NAV2: variants seen among roughly 807,000 people sequenced by gnomAD.
NAV2 encodes neuron navigator 2, also known as helicase, APC down-regulated 1.
Under a neutral mutation model 223.2 loss-of-function variants are expected in NAV2, and 54 were observed. The ratio of observed to expected loss-of-function variants is 0.24; its 90% CI spans 0.19 to 0.30. The LOEUF (loss-of-function observed/expected upper bound fraction) is 0.30, where lower values mean the gene tolerates loss of function less well. Among genes scored for constraint, NAV2 ranks in the 10% least tolerant of loss-of-function variants. The probability of loss-of-function intolerance (pLI) is 1.00; values close to 1 mark genes in which losing one functional copy is unlikely to be tolerated. For synonymous variants in NAV2, 1,279 were observed against 1,239.3 expected, an observed-to-expected ratio of 1.03 and a Z score of -0.67; for missense variants, 2,806 against 3,147.5, an observed-to-expected ratio of 0.89 and a Z score of 2.60.
chr11:19,428,851 T>G (rs941545932), intron 1 of NAV2, among the ~76,000 whole-genome samples: 1 of 152,238 alleles, frequency 6.6e-6, no homozygotes, highest in Non-Finnish European at 1.5e-5. Context: ...CCCATGTGAT[T>G]CTTTCTTCAT....
intron 1 of NAV2, among the ~76,000 whole-genome samples, chr11:19,585,331 C>T (rs1175518404): frequency 1.3e-5 from 2 of 152,138 alleles, no homozygotes; most frequent in African/African-American, 4.8e-5. Context: ...GACTCTTTAT[C>T]CAATTTGCCA....
intron 6 of NAV2, among the ~76,000 whole-genome samples, chr11:19,919,034 T>C (rs2153226581): frequency 6.6e-6 from 1 of 151,864 alleles, no homozygotes; most frequent in Admixed American, 6.6e-5. Context: ...AAAAGAAAAA[T>C]AAAAGTTGGA....
At chr11:19,679,013 A>G (rs1274042841) in intron 1 of NAV2, among the ~76,000 whole-genome samples, 3 of 152,220 alleles carry the variant, frequency 2.0e-5, no homozygotes, top group African/African-American at 7.2e-5. Flanking sequence ...ATGTTGTTAA[A>G]TGTGAAAAGC....
chr11:19,986,516 A>AG lies in NAV2; in HGVS notation c.2768+2270dup, dbSNP rs560474798. Among the ~76,000 whole-genome samples the AG allele has an allele frequency of 8.4e-4, 127 of 152,078 alleles. 1 individual carries two copies. In the Middle Eastern group the frequency reaches 0.01, roughly 12 times the overall value. On this transcript the variant is annotated intron_variant, in intron 11 of 37. Transcript: ENST00000349880. ...ACAACTGTAATCCCAGCTACTCGGG[A>AG]GAGGGAGGCATGAGAATTGCTTGAA...
At chr11:19,981,534 G>T (rs1383837118) in intron 10 of NAV2, among the ~76,000 whole-genome samples, 2 of 152,312 alleles carry the variant, frequency 1.3e-5, no homozygotes, top group Non-Finnish European at 2.9e-5. Flanking sequence ...TAGTTTGTTT[G>T]TCCTTTGACA....
In NAV2 at chr11:19,860,360, G is replaced by A. The variant is rs1298785141; in HGVS notation, c.439-8565G>A. Among the ~76,000 whole-genome samples, 10 of 145,868 alleles carry A rather than the reference G, an allele frequency of 6.9e-5. No homozygotes were observed. The South Asian group carries it at 1.6e-3, about 23-fold the overall frequency. On this transcript the variant is annotated intron_variant, in intron 3 of 37. Transcript: ENST00000349880. ...GGTCTCCTCACTTCTCAGACGGGGC[G>A]GCCGGGCAGAGACGCTCCTCACATC... is the stretch of plus-strand genomic sequence containing the variant.
At chr11:19,831,663 C>A (rs2059949561) in intron 1 of NAV2, among the ~76,000 whole-genome samples, 1 of 152,116 alleles carries the variant, frequency 6.6e-6, no homozygotes, top group African/African-American at 2.4e-5. Flanking sequence ...CAAGAGTTTT[C>A]TTGTGCTTGT....
chr11:19,695,060 T>A (rs570996062), intron 1 of NAV2, among the ~76,000 whole-genome samples: 7 of 152,304 alleles, frequency 4.6e-5, no homozygotes, highest in Admixed American at 4.6e-4. Flanking sequence ...GGGAATGTAC[T>A]CCCAGTATTC....
At chr11:20,106,575 T>TC (rs1482828410) in intron 35 of NAV2, among the ~76,000 whole-genome samples, 1 of 130,596 alleles carries the variant, frequency 7.7e-6, no homozygotes, top group African/African-American at 2.8e-5. Flanking sequence ...AAAAAAAAAA[T>TC]CCTTTTTCAT....
chr11:19,428,876 C>T (rs1850937352), intron 1 of NAV2, among the ~76,000 whole-genome samples: 1 of 152,220 alleles, frequency 6.6e-6, no homozygotes, highest in African/African-American at 2.4e-5. Context: ...ATCAGGAAAG[C>T]TGTTGCCTAA....
upstream of NAV2, chr11:19,710,798 G>A (rs2049840112): frequency 6.6e-6 from 1 of 152,202 alleles, no homozygotes; most frequent in Non-Finnish European, 1.5e-5. Flanking sequence ...ATGTCCTTAT[G>A]TTCCTAAATC....
chr11:19,740,642 G>A (rs190880223), intron 1 of NAV2, among the ~76,000 whole-genome samples: 1 of 152,302 alleles, frequency 6.6e-6, no homozygotes, highest in Admixed American at 6.5e-5. Flanking sequence ...TTTTGCAGAG[G>A]GGAAGAGTAC....
In NAV2 at chr11:20,087,642, G is replaced by T. The variant is rs183262421; in HGVS notation, c.5499-3223G>T. ...AGGCTTGAATCACAGTTAAGGGACT[G>T]AGTAGGGAAAAACACACATAAGGTG... On this transcript the variant is annotated intron_variant, in intron 26 of 37. Transcript: ENST00000349880. Among the ~76,000 whole-genome samples, 4 of 152,348 alleles carry T rather than the reference G, an allele frequency of 2.6e-5. No individual in the cohort carries two copies. The East Asian group carries it at 7.7e-4, about 29-fold the overall frequency.
intron 1 of NAV2, among the ~76,000 whole-genome samples, chr11:19,577,153 A>G (rs2045593551): frequency 6.6e-6 from 1 of 152,252 alleles, no homozygotes; most frequent in African/African-American, 2.4e-5. Flanking sequence ...CAGCCCTATG[A>G]CGTGGGTCTA....
chr11:19,588,020 C>T (rs1361653757), intron 1 of NAV2, among the ~76,000 whole-genome samples: 4 of 152,198 alleles, frequency 2.6e-5, no homozygotes, highest in African/African-American at 7.2e-5. Flanking sequence ...ATCTCTTGCC[C>T]TTAGATCAGT....
At chr11:19,497,203 T>C (rs2042824016) in intron 1 of NAV2, among the ~76,000 whole-genome samples, 1 of 152,228 alleles carries the variant, frequency 6.6e-6, no homozygotes, top group Non-Finnish European at 1.5e-5. Flanking sequence ...TTCTGTAAAA[T>C]GGCAATAATG....
chr11:19,678,551 T>G (rs904789411), intron 1 of NAV2, among the ~76,000 whole-genome samples: 5 of 152,210 alleles, frequency 3.3e-5, no homozygotes, highest in Non-Finnish European at 7.3e-5. Context: ...AGAGCTGTGC[T>G]AGGCTCTGTG....
intron 1 of NAV2, among the ~76,000 whole-genome samples, chr11:19,560,946 A>G (rs192974052): frequency 3.3e-5 from 5 of 152,346 alleles, no homozygotes; most frequent in Admixed American, 2.0e-4. Context: ...CTCTTCCAAG[A>G]GTTTTAAGTG....
At chr11:19,353,610 TG>T (rs925901608) in intron 1 of NAV2, among the ~76,000 whole-genome samples, 6 of 152,222 alleles carry the variant, frequency 3.9e-5, no homozygotes, top group African/African-American at 7.2e-5. Context: ...GGAATGTAGC[TG>T]GGAAGGACTT....
Sources: allele counts gnomAD v4.1 joint callset (sites outside exome capture counted in the v4.1 genomes callset), GRCh38; gene constraint gnomAD v4.1.1; transcripts MANE v1.5; gene names NCBI Gene and HGNC (gene_info 2026-07-23, HGNC 2026-07-21).